PI4K2B: variants seen among roughly 807,000 people sequenced by gnomAD.
PI4K2B encodes phosphatidylinositol 4-kinase type 2-beta.
A neutral mutation model predicts 56.6 loss-of-function variants in PI4K2B; 46 were observed. The ratio of observed to expected loss-of-function variants is 0.81; its 90% confidence interval spans 0.64 to 1.04. The LOEUF is 1.04. Ranked by LOEUF, PI4K2B falls within the 50% of genes least tolerant of loss-of-function variation. The pLI, the probability that PI4K2B is intolerant of heterozygous loss-of-function variation, is 0.00. For synonymous variants in PI4K2B, 211 were observed against 223.8 expected (o/e 0.94, Z 0.51); for missense variants, 556 against 607.7 (o/e 0.91, Z 0.89).
intron 6 of PI4K2B, 46 bp downstream of exon 6, chr4:25,260,637 TATATAC>T (rs754697027): frequency 0.016 from 793 of 49,470 alleles, 1 homozygote; most frequent in African/African-American, 0.034. Context: ...TATATATATA[TATATAC>T]ACACACACAC....
At chr4:25,271,559 G>C (rs1716894557) in intron 9 of PI4K2B, among the ~76,000 whole-genome samples, 1 of 152,190 alleles carries the variant, frequency 6.6e-6, no homozygotes, top group Non-Finnish European at 1.5e-5. Flanking sequence ...GGCATCAATG[G>C]AAGGATTAGG....
At chr4:25,272,372 TTG>T (rs1347975105) in intron 9 of PI4K2B, among the ~76,000 whole-genome samples, 23 of 152,164 alleles carry the variant, frequency 1.5e-4, no homozygotes, top group Non-Finnish European at 1.5e-5. Context: ...TTATTATACG[TTG>T]TCACTTGATT....
chr4:25,276,799 T>C (rs1717112121), intron 9 of PI4K2B: 1 of 942,140 alleles, frequency 1.1e-6, no homozygotes. Flanking sequence ...TTAATGCTAA[T>C]TGTGTGTGTG....
rs1717134074 is a variant in PI4K2B at position 25,277,132 on chromosome 4, G to A, written c.1391G>A (p.Ser464Asn). 1 of 1,613,910 alleles carries A rather than the reference G, an allele frequency of 6.2e-7. No homozygotes were observed. The highest frequency in any genetic ancestry group is 8.5e-7 in the Non-Finnish European group (1 of 1,179,876). ...GGSQGRIVHL[S>N]NSFTQTVNCR... ...AGTCAGGGTCGGATTGTCCACCTGA[G>A]CAATTCCTTTACCCAGACTGTCAAT... The change falls in exon 10 of 10, where the codon AGC (serine) becomes AAC (asparagine). Residue 464 changes from serine (S) to asparagine (N), a missense_variant. Coordinates refer to ENST00000264864, the MANE Select transcript of PI4K2B (RefSeq NM_018323.4).
Position 25,234,092 on chromosome 4 carries a change from C to A in PI4K2B, c.-72C>A. On this transcript the variant is annotated 5_prime_UTR_variant, in exon 1 of 10. Transcript: ENST00000264864. ...TCTACCCGGTCGCTCCCGTTCCGCG[C>A]CATGCAGAGCCCAGTCTCTGGCACC... 1 of 1,196,848 alleles carries A rather than the reference C, an allele frequency of 8.4e-7. No individual in the cohort carries two copies. The highest frequency in any genetic ancestry group is 3.7e-5 in the South Asian group (1 of 26,964). 74.1% of individuals were successfully genotyped at this position (1,196,848 alleles called of 1,614,324 possible). A position where few individuals can be genotyped will look rare whatever the true frequency, so the allele number is the denominator to read the frequency against.
At chr4:25,243,289 A>G (rs988057923) in intron 1 of PI4K2B, among the ~76,000 whole-genome samples, 1 of 152,174 alleles carries the variant, frequency 6.6e-6, no homozygotes, top group Non-Finnish European at 1.5e-5. Flanking sequence ...GGGGCAGTGC[A>G]CCTTCCAGTG....
At chr4:25,246,039 G>A (rs991465911) in intron 1 of PI4K2B, among the ~76,000 whole-genome samples, 8 of 152,164 alleles carry the variant, frequency 5.3e-5, no homozygotes, top group African/African-American at 1.7e-4. Flanking sequence ...ATGTTCGGAT[G>A]TGTTCGGAGT....
At chr4:25,256,792 A>C (rs1716278516) in intron 4 of PI4K2B, 118 bp downstream of exon 4, 1 of 909,082 alleles carries the variant, frequency 1.1e-6, no homozygotes, top group Admixed American at 2.4e-5. Context: ...TTCATCTTCC[A>C]GGAGCTTATA....
intron 6 of PI4K2B, among the ~76,000 whole-genome samples, chr4:25,263,077 A>G (rs116405730): frequency 0.013 from 2,026 of 152,216 alleles, 39 homozygotes; most frequent in African/African-American, 0.046. Flanking sequence ...AAAACCATCA[A>G]ATCTCATGAG....
In PI4K2B at chr4:25,268,486, T is replaced by C. The variant is rs766914799; in HGVS notation, c.1122T>C (p.Phe374=). The change falls in exon 8 of 10, where the codon TTT becomes TTC. Residue 374 remains phenylalanine (F), a synonymous_variant. Transcript: ENST00000264864. ...GGCTTCCTCAAGCAAAAGTTCCCTT[T>C]TCTGAAGAAATAAGAAATTTGATTC... ...WAWLPQAKVP[F]SEEIRNLILP... 21 of 1,604,538 alleles carry C rather than the reference T, an allele frequency of 1.3e-5. No homozygotes were observed. In the South Asian group the frequency reaches 2.4e-4, roughly 18 times the overall value.
intron 1 of PI4K2B, among the ~76,000 whole-genome samples, chr4:25,250,205 C>T (rs976733792): frequency 2.6e-5 from 4 of 151,806 alleles, no homozygotes; most frequent in East Asian, 1.9e-4. Flanking sequence ...AGAGGGAGAC[C>T]GTGCAAAGAA....
chr4:25,256,568 T>TA lies in PI4K2B; in HGVS notation c.650_651insA (p.Phe217LeufsTer2). 1.2e-6 allele frequency: 2 copies of TA among 1,613,602 alleles called. No individual in the cohort carries two copies. The highest frequency in any genetic ancestry group is 1.7e-6 in the Non-Finnish European group (2 of 1,179,834). ...GTGGTTTGGCTTGTCAGTGAGACAT[T>TA]TAACTATAATGCGATTGACCGTGCA... On this transcript the variant is annotated frameshift_variant, in exon 4 of 10. Transcript: ENST00000264864. LOFTEE classifies it high-confidence loss of function.
chr4:25,245,791 C>T (rs115751149), intron 1 of PI4K2B, among the ~76,000 whole-genome samples: 228 of 152,188 alleles, frequency 1.5e-3, no homozygotes, highest in African/African-American at 5.2e-3. Context: ...TCTCACTGCT[C>T]GGTGATAGTC....
chr4:25,242,370 C>G (rs1034248252), intron 1 of PI4K2B, among the ~76,000 whole-genome samples: 2 of 152,262 alleles, frequency 1.3e-5, no homozygotes, highest in Non-Finnish European at 2.9e-5. Context: ...CCCTAAACCC[C>G]TGGGGCAAGA....
At chr4:25,260,635 T>TAC (rs765969846) in intron 6 of PI4K2B, 44 bp downstream of exon 6, 1,580 of 58,482 alleles carry the variant, frequency 0.027, 14 homozygotes, top group Middle Eastern at 0.068. Context: ...TATATATATA[T>TAC]ATATATACAC....
chr4:25,239,971 G>A (rs1315468963), intron 1 of PI4K2B, among the ~76,000 whole-genome samples: 1 of 152,230 alleles, frequency 6.6e-6, no homozygotes, highest in East Asian at 1.9e-4. Context: ...GTCCTCAGTA[G>A]AATTTGTTAG....
At chr4:25,269,855 AGGC>A (rs916151805) in intron 9 of PI4K2B, among the ~76,000 whole-genome samples, 10 of 151,080 alleles carry the variant, frequency 6.6e-5, no homozygotes, top group African/African-American at 2.2e-4. Flanking sequence ...CTGGGACTAC[AGGC>A]GCCCACCACC....
chr4:25,256,025 C>T (rs1377187889), intron 3 of PI4K2B, among the ~76,000 whole-genome samples: 2 of 152,084 alleles, frequency 1.3e-5, no homozygotes, highest in African/African-American at 4.8e-5. Context: ...CTCAGGTGAT[C>T]CTCCCACCTC....
In PI4K2B at chr4:25,249,736, C is replaced by T. The variant is rs573419862; in HGVS notation, c.269-2585C>T. Among the ~76,000 whole-genome samples, 370 of 151,302 alleles carry T rather than the reference C, an allele frequency of 2.4e-3. 2 individuals carry two copies. Among genetic ancestry groups the T allele is most frequent in the African/African-American group, 8.5e-3 (352 of 41,198 alleles). On this transcript the variant is annotated intron_variant, in intron 1 of 9. Transcript: ENST00000264864. Reference sequence around the variant, plus strand: ...GCAGAGGCACTCTTCACATCTCAGACGGGGCGGCGGGGCAGAGGCCCTCCC... The same window carrying T: ...GCAGAGGCACTCTTCACATCTCAGATGGGGCGGCGGGGCAGAGGCCCTCCC...
Sources: gnomAD v4.1 joint callset for allele counts (sites outside exome capture counted in the v4.1 genomes callset) on GRCh38, gnomAD v4.1.1 for gene constraint, MANE v1.5 for transcripts, NCBI Gene and HGNC (gene_info 2026-07-23, HGNC 2026-07-21) for gene names.